GRID2: variants seen among roughly 807,000 people sequenced by gnomAD.
The protein encoded by GRID2 is glutamate receptor ionotropic, delta-2.
GRID2 carries 33 observed loss-of-function variants against 114.8 expected under a neutral mutation model. That is an observed-to-expected ratio of 0.29 (90% CI 0.22 to 0.38). The LOEUF (loss-of-function observed/expected upper bound fraction) is 0.38. Ranked by LOEUF, GRID2 falls within the 10% of genes least tolerant of loss-of-function variation. GRID2 has a pLI of 1.00. For missense variants in GRID2, 1,184 were observed against 1,257.7 expected, an observed-to-expected ratio of 0.94 and a Z score of 0.89; for synonymous variants, 505 against 449.9, an observed-to-expected ratio of 1.12 and a Z score of -1.55.
chr4:93,086,855 C>T (rs943891253), intron 3 of GRID2, among the ~76,000 whole-genome samples: 13 of 152,038 alleles, frequency 8.6e-5, no homozygotes, highest in Non-Finnish European at 1.5e-4. Flanking sequence ...GATTTTCTTA[C>T]AGTCAGATTA....
intron 13 of GRID2, among the ~76,000 whole-genome samples, chr4:93,548,162 G>A (rs541725384): frequency 6.4e-4 from 98 of 152,088 alleles, no homozygotes; most frequent in African/African-American, 2.3e-3. Flanking sequence ...GGGTGACAGA[G>A]TGAGACACCA....
chr4:92,842,632 A>G (rs962377568), intron 2 of GRID2, among the ~76,000 whole-genome samples: 7 of 152,134 alleles, frequency 4.6e-5, no homozygotes, highest in Non-Finnish European at 8.8e-5. Flanking sequence ...GCTGAGAAAT[A>G]GTATTTTTTC....
chr4:92,618,662 AT>A (rs1730123136), intron 2 of GRID2, among the ~76,000 whole-genome samples: 1 of 151,400 alleles, frequency 6.6e-6, no homozygotes. Context: ...TGTTTCTGTT[AT>A]TTTGGGTTTC....
At chr4:93,509,770 G>A (rs1006292499) in intron 12 of GRID2, among the ~76,000 whole-genome samples, 3 of 152,156 alleles carry the variant, frequency 2.0e-5, no homozygotes, top group Non-Finnish European at 4.4e-5. Flanking sequence ...GTAACACTTT[G>A]ACTTGCTTCT....
intron 2 of GRID2, among the ~76,000 whole-genome samples, chr4:92,785,518 C>G (rs548049763): frequency 6.6e-6 from 1 of 151,600 alleles, no homozygotes; most frequent in Admixed American, 6.6e-5. Context: ...AGTATTCTAA[C>G]CAAAAATACA....
At chr4:93,436,312 A>G (rs1373672695) in intron 10 of GRID2, among the ~76,000 whole-genome samples, 6 of 152,096 alleles carry the variant, frequency 3.9e-5, no homozygotes, top group Non-Finnish European at 5.9e-5. Context: ...CTATCCCAAC[A>G]TAAACATAGA....
intron 2 of GRID2, among the ~76,000 whole-genome samples, chr4:93,047,031 A>T (rs998001012): frequency 3.3e-5 from 5 of 152,010 alleles, no homozygotes; most frequent in African/African-American, 9.7e-5. Context: ...ATGTGATGTG[A>T]TGAAAATGGC....
Position 93,631,833 on chromosome 4 carries a change from C to G in GRID2, c.2360+5398C>G, listed in dbSNP as rs564529506. On this transcript the variant is annotated intron_variant, in intron 14 of 15. Coordinates refer to ENST00000282020, the MANE Select transcript of GRID2 (RefSeq NM_001510.4). Reference sequence around the variant, plus strand: ...TTGTACTAGTTTACAGTCCCACCAACAGTGTAAAAGTGTTCCTATTTCTCC... The same window carrying G: ...TTGTACTAGTTTACAGTCCCACCAAGAGTGTAAAAGTGTTCCTATTTCTCC... Among the ~76,000 whole-genome samples, 8 of 152,334 alleles carry G rather than the reference C, an allele frequency of 5.3e-5. No individual in the cohort carries two copies. In the East Asian group the frequency reaches 1.5e-3, roughly 29 times the overall value.
intron 2 of GRID2, among the ~76,000 whole-genome samples, chr4:92,877,541 A>G (rs1318369811): frequency 6.6e-6 from 1 of 152,196 alleles, no homozygotes; most frequent in Non-Finnish European, 1.5e-5. Context: ...CTTCACACAC[A>G]TTCTTATGTA....
At chr4:92,593,429 C>T (rs902970708) in intron 2 of GRID2, among the ~76,000 whole-genome samples, 7 of 151,956 alleles carry the variant, frequency 4.6e-5, no homozygotes, top group African/African-American at 1.7e-4. Flanking sequence ...TCAGTGACAG[C>T]CTATATAACC....
intron 2 of GRID2, among the ~76,000 whole-genome samples, chr4:92,595,672 T>C (rs777094353): frequency 2.0e-5 from 3 of 152,086 alleles, no homozygotes; most frequent in Non-Finnish European, 4.4e-5. Flanking sequence ...TAAAACTGCA[T>C]TCATTTTTGG....
intron 3 of GRID2, among the ~76,000 whole-genome samples, chr4:93,102,119 T>TA (rs1731760314): frequency 1.3e-5 from 2 of 152,178 alleles, no homozygotes; most frequent in Non-Finnish European, 2.9e-5. Flanking sequence ...ATAGCTTTTT[T>TA]AAAATTGACT....
At chr4:93,323,052 T>G (rs1023636700) in intron 8 of GRID2, among the ~76,000 whole-genome samples, 10 of 152,202 alleles carry the variant, frequency 6.6e-5, no homozygotes, top group African/African-American at 2.2e-4. Context: ...TTAGTTTAAT[T>G]AGATCACTTT....
intron 3 of GRID2, among the ~76,000 whole-genome samples, chr4:93,087,265 C>A (rs948895368): frequency 6.6e-6 from 1 of 151,832 alleles, no homozygotes; most frequent in Non-Finnish European, 1.5e-5. Flanking sequence ...TGGTCTCGAT[C>A]TCCTGACATC....
intron 8 of GRID2, among the ~76,000 whole-genome samples, chr4:93,393,731 G>T (rs1765070135): frequency 6.6e-6 from 1 of 151,964 alleles, no homozygotes; most frequent in Non-Finnish European, 1.5e-5. Context: ...AGGTTTCACT[G>T]TTAATCCAGT....
chr4:93,211,322 G>GA (rs1470068408), intron 5 of GRID2, among the ~76,000 whole-genome samples: 18 of 151,780 alleles, frequency 1.2e-4, no homozygotes, highest in Non-Finnish European at 1.9e-4. Context: ...AAATAGTATG[G>GA]AAAAAATAAT....
intron 8 of GRID2, among the ~76,000 whole-genome samples, chr4:93,332,297 T>TGAGAGAGAGAGAGAGA (rs1255976950): frequency 1.5e-5 from 2 of 133,050 alleles, no homozygotes; most frequent in African/African-American, 6.4e-5. Context: ...TGTGTGTGTG[T>TGAGAGAGAGAGAGAGA]GTGAGAGAGA....
chr4:93,755,991 A>C (rs1313677540), intron 14 of GRID2, among the ~76,000 whole-genome samples: 1 of 152,192 alleles, frequency 6.6e-6, no homozygotes, highest in East Asian at 1.9e-4. Flanking sequence ...GTAAATAATA[A>C]AATTTGGTAC....
chr4:92,722,069 A>T (rs1350060530), intron 2 of GRID2, among the ~76,000 whole-genome samples: 1 of 152,174 alleles, frequency 6.6e-6, no homozygotes, highest in African/African-American at 2.4e-5. Context: ...ATTCATAGAG[A>T]TACTCAGCAA....
Sources: allele counts gnomAD v4.1 joint callset (sites outside exome capture counted in the v4.1 genomes callset), GRCh38; gene constraint gnomAD v4.1.1; transcripts MANE v1.5; gene names NCBI Gene and HGNC (gene_info 2026-07-23, HGNC 2026-07-21).